Variants in RPL3 observed in about 807,000 individuals in gnomAD.
RPL3 encodes large ribosomal subunit protein uL3.
In RPL3, 3 loss-of-function variants were observed where a neutral mutation model predicts 46.0. The ratio of observed to expected loss-of-function variants is 0.07; its 90% confidence interval spans 0.03 to 0.17. The LOEUF is 0.17. RPL3 is among the 10% of genes least tolerant of loss of function. The probability of loss-of-function intolerance (pLI) is 1.00; values close to 1 mark genes in which losing one functional copy is unlikely to be tolerated. For synonymous variants in RPL3, 224 were observed against 190.8 expected, an observed-to-expected ratio of 1.17 and a Z score of -1.43; for missense variants, 387 against 532.7, an observed-to-expected ratio of 0.73 and a Z score of 2.69.
At chr22:39,317,685 G>C (rs534767083) in intron 2 of RPL3, 56 bp from the exon 3 acceptor site, 19 of 1,589,624 alleles carry the variant, frequency 1.2e-5, no homozygotes, top group South Asian at 3.3e-5. Context: ...GGGGTGTAAT[G>C]TTTTCTAGGA....
At chr22:39,313,149 A>G in intron 9 of RPL3, 42 bp downstream of exon 9, 2 of 1,602,404 alleles carry the variant, frequency 1.2e-6, no homozygotes, top group Non-Finnish European at 8.5e-7. Flanking sequence ...GCGGCTGCCC[A>G]AGCCACCACA....
intron 8 of RPL3, 49 bp from the exon 9 acceptor site, chr22:39,313,359 T>TC: frequency 6.2e-7 from 1 of 1,610,306 alleles, no homozygotes; most frequent in Non-Finnish European, 8.5e-7. Context: ...AGCCAGGCTT[T>TC]CCTCAGCACT....
intron 1 of RPL3, chr22:39,319,213 A>T (rs571314491): frequency 3.7e-6 from 2 of 533,562 alleles, no homozygotes; most frequent in African/African-American, 3.8e-5. Context: ...TTACCTCCCA[A>T]TGAGAACGGC....
chr22:39,314,383 C>A (rs771090738), intron 6 of RPL3, 175 bp from the exon 7 acceptor site: 13 of 651,980 alleles, frequency 2.0e-5, no homozygotes, highest in Non-Finnish European at 2.9e-5. Context: ...TTCTGTAAGG[C>A]GGCTGGGCTA....
rs779372664 is a variant in RPL3, at chr22:39,319,623, G to T, written c.-26C>A. The T allele has an allele frequency of 7.8e-6, 12 of 1,545,724 alleles. No homozygotes were observed. Among genetic ancestry groups the T allele is most frequent in the Non-Finnish European group, 1.1e-5 (12 of 1,140,364 alleles). Reference sequence around the variant, plus strand: ...CACGCCATCAAATCCCGCCGGTAGAGGCCGGTCGGCCTTACGGGTCCGCTA... The same window carrying T: ...CACGCCATCAAATCCCGCCGGTAGATGCCGGTCGGCCTTACGGGTCCGCTA... On this transcript the variant is annotated 5_prime_UTR_variant, in exon 1 of 10. Transcript: ENST00000216146.
Position 39,314,239 on chromosome 22 carries a change from G to C in RPL3, c.850-31C>G, listed in dbSNP as rs137621. The C allele has an allele frequency of 6.2e-5, 98 of 1,586,896 alleles. 1 individual carries two copies. Among genetic ancestry groups the C allele is most frequent in the Admixed American group, 3.3e-4 (20 of 59,954 alleles). On this transcript the variant is annotated intron_variant, in intron 6 of 9. Transcript: ENST00000216146. The stretch of plus-strand genomic sequence containing the variant: ...TGAACAAGAAGGGTGTAAGGCTGGG[G>C]CATTAGGGACAAATAACCCAGACAT...
At chr22:39,319,486 C>G in intron 1 of RPL3, 109 bp downstream of exon 1, 1 of 1,458,436 alleles carries the variant, frequency 6.9e-7, no homozygotes, top group Non-Finnish European at 9.4e-7. Context: ...TCGCCCGTGC[C>G]CCTAAAGCAA....
chr22:39,318,657 G>T, intron 1 of RPL3, 65 bp from the exon 2 acceptor site: 1 of 1,368,614 alleles, frequency 7.3e-7, no homozygotes, highest in Non-Finnish European at 9.9e-7. Context: ...CTAGTTCCCA[G>T]CTGCTTAAGT....
Position 39,313,180 on chromosome 22 carries a change from G to A in RPL3, c.1167+11C>T. ...CCACACCCAGCGAGGGGGGCAGGCA[G>A]AGGTGCTCACCATGAATGCTTTCTT... On this transcript the variant is annotated intron_variant, in intron 9 of 9. Coordinates refer to ENST00000216146, the MANE Select transcript of RPL3 (RefSeq NM_000967.4). 6.2e-7 allele frequency: 1 copy of A among 1,607,158 alleles called. No homozygotes were observed. Among genetic ancestry groups the A allele is most frequent in the South Asian group, 1.1e-5 (1 of 90,056 alleles).
chr22:39,314,254 A>C (rs1261181151), intron 6 of RPL3, 46 bp from the exon 7 acceptor site: 2 of 1,519,832 alleles, frequency 1.3e-6, no homozygotes, highest in Non-Finnish European at 1.8e-6. Flanking sequence ...AGGGACAAAT[A>C]ACCCAGACAT....
intron 4 of RPL3, among the ~76,000 whole-genome samples, chr22:39,316,139 T>G (rs1318816134): frequency 6.6e-6 from 1 of 151,810 alleles, no homozygotes; most frequent in Non-Finnish European, 1.5e-5. Flanking sequence ...CTCAGGAGGC[T>G]GAGGCAGGAG....
intron 2 of RPL3, 41 bp from the exon 3 acceptor site, chr22:39,317,670 A>G: frequency 6.2e-7 from 1 of 1,605,834 alleles, no homozygotes; most frequent in Non-Finnish European, 8.5e-7. Flanking sequence ...CAGGAGCCCA[A>G]GCAAGGGGTG....
rs1922786914 is a variant in RPL3, at chr22:39,317,622, G to A, written c.204C>T (p.Asn68=). ...REVDRPGSKV[N]KKEVVEAVTI... Reference sequence around the variant, plus strand: ...TCACAGCCTCCACCACCTCCTTCTTGTTCACCTCTGCAAAAAAAAAGCAGT... The same window carrying A: ...TCACAGCCTCCACCACCTCCTTCTTATTCACCTCTGCAAAAAAAAAGCAGT... The change falls in exon 3 of 10, where the codon AAC becomes AAT. Residue 68 remains asparagine (N), a synonymous_variant. Coordinates refer to ENST00000216146, the MANE Select transcript of RPL3 (RefSeq NM_000967.4). 2 of 1,613,058 alleles carry A rather than the reference G, an allele frequency of 1.2e-6. No individual in the cohort carries two copies. Among genetic ancestry groups the A allele is most frequent in the African/African-American group, 2.7e-5 (2 of 74,928 alleles).
rs11547978 is a variant in RPL3 at position 39,317,515 on chromosome 22, G to A, written c.311C>T (p.Thr104Ile). 6.2e-7 allele frequency: 1 copy of A among 1,613,996 alleles called. No homozygotes were observed. Among genetic ancestry groups the A allele is most frequent in the South Asian group, 1.1e-5 (1 of 91,074 alleles). Residue 104 changes from threonine (T) to isoleucine (I), a missense_variant, in exon 3 of 10, where the codon ACT becomes ATT. Physicochemically the swap from Thr to Ile is moderately conservative, Grantham distance 89 (BLOSUM62 -1). Transcript: ENST00000216146. ...ATCACTGATGTGCTCAGCAAAGACA[G>A]TCTTGAAGGTCCGGAGGCCTCGAGG... ...ETPRGLRTFK[T>I]VFAEHISDEC...
intron 6 of RPL3, 119 bp downstream of exon 6, chr22:39,314,567 C>A (rs948344109): frequency 8.2e-7 from 1 of 1,222,052 alleles, no homozygotes; most frequent in Non-Finnish European, 1.1e-6. Context: ...AAGCAAGCCA[C>A]TGATGTCCAC....
intron 1 of RPL3, 44 bp downstream of exon 1, chr22:39,319,551 G>A (rs758347262): frequency 1.3e-6 from 2 of 1,558,976 alleles, no homozygotes; most frequent in Non-Finnish European, 1.7e-6. Flanking sequence ...ATTCAGCCGT[G>A]CCGACGCCGG....
Position 39,313,279 on chromosome 22 carries a change from A to G in RPL3, c.1079T>C (p.Leu360Pro). 6.2e-7 allele frequency: 1 copy of G among 1,613,558 alleles called. No homozygotes were observed. Among genetic ancestry groups the G allele is most frequent in the Non-Finnish European group, 8.5e-7 (1 of 1,179,796 alleles). The change falls in exon 9 of 10, where the codon CTG becomes CCG. Residue 360 changes from leucine (L) to proline (P), a missense_variant. Leu to Pro is a moderately conservative substitution (Grantham distance 98). Around this residue, in one of 5 missense-constraint regions of RPL3, gnomAD observed 131 missense variants for 185.1 expected, o/e 0.71. Transcript: ENST00000216146. ...SLLVQTKRRA[L>P]EKIDLKFIDT... Reference sequence around the variant, plus strand: ...AATGAACTTAAGGTCAATCTTCTCCAGAGCCCGCCGCTTCGTCTGCACCAG... The same window carrying G: ...AATGAACTTAAGGTCAATCTTCTCCGGAGCCCGCCGCTTCGTCTGCACCAG...
intron 5 of RPL3, 44 bp from the exon 6 acceptor site, chr22:39,314,890 C>T: frequency 6.3e-7 from 1 of 1,592,802 alleles, no homozygotes; most frequent in Non-Finnish European, 8.6e-7. Flanking sequence ...CCAGCACCTC[C>T]CACTGACCCC....
At position 39,319,587 on chromosome 22, in the gene RPL3, A is replaced by C; in HGVS notation, c.3+8T>G. On this transcript the variant is annotated splice_region_variant and intron_variant, in intron 1 of 9. Coordinates refer to ENST00000216146, the MANE Select transcript of RPL3 (RefSeq NM_000967.4). ...TGACAATGAAACGGCCGCCATTACA[A>C]CACATACCATCACGCCATCAAATCC... 6.4e-7 allele frequency: 1 copy of C among 1,565,500 alleles called. No individual in the cohort carries two copies. The highest frequency in any genetic ancestry group is 8.7e-7 in the Non-Finnish European group (1 of 1,153,666).
Sources: allele counts gnomAD v4.1 joint callset (sites outside exome capture counted in the v4.1 genomes callset), GRCh38; gene constraint gnomAD v4.1.1; regional missense constraint gnomAD v4.1.1; transcripts MANE v1.5; gene names NCBI Gene and HGNC (gene_info 2026-07-23, HGNC 2026-07-21).